Variants in AHCYL2 observed in about 807,000 individuals in gnomAD.
The protein encoded by AHCYL2 is adenosylhomocysteinase like 2.
AHCYL2 carries 28 observed loss-of-function variants against 81.4 expected under a neutral mutation model. That is an observed-to-expected ratio of 0.34 (90% CI 0.25 to 0.47). The LOEUF (loss-of-function observed/expected upper bound fraction) is 0.47. Among genes scored for constraint, AHCYL2 ranks in the 20% least tolerant of loss-of-function variants. AHCYL2 has a pLI of 1.00. For missense variants in AHCYL2, 551 were observed against 785.1 expected (o/e 0.70, Z 3.56); for synonymous variants, 272 against 290.2 (o/e 0.94, Z 0.64).
intron 1 of AHCYL2, among the ~76,000 whole-genome samples, chr7:129,329,771 T>C (rs941781660): frequency 6.6e-6 from 1 of 152,222 alleles, no homozygotes; most frequent in African/African-American, 2.4e-5. Context: ...ATAAGACGTA[T>C]AAGGTATAAA....
Position 129,368,495 on chromosome 7 carries a change from A to C in AHCYL2, c.364-11143A>C. 6.2e-7 allele frequency: 1 copy of C among 1,614,028 alleles called. No individual in the cohort carries two copies. The highest frequency in any genetic ancestry group is 8.5e-7 in the Non-Finnish European group (1 of 1,179,888). On this transcript the variant is annotated intron_variant, in intron 1 of 16. Coordinates refer to ENST00000325006, the MANE Select transcript of AHCYL2 (RefSeq NM_015328.4). This position sits in a 1 kb window ranked among gnomAD's most constrained non-coding sequence, Gnocchi z 4.4. The stretch of plus-strand genomic sequence containing the variant: ...GACATATCTTACCCAAGCCTGCACT[A>C]TGGAGAAGTGGGACGGTAATGAGGG...
intron 1 of AHCYL2, among the ~76,000 whole-genome samples, chr7:129,325,523 G>T (rs1204889000): frequency 6.6e-6 from 1 of 151,956 alleles, no homozygotes. Flanking sequence ...ATACCTTTGT[G>T]CTTGGGGTTT....
At chr7:129,296,615 T>G (rs1489333145) in intron 1 of AHCYL2, among the ~76,000 whole-genome samples, 2 of 152,140 alleles carry the variant, frequency 1.3e-5, no homozygotes, top group Non-Finnish European at 2.9e-5. Context: ...GAGGCTGACG[T>G]AGGAGGATCC....
At chr7:129,302,044 C>A (rs756666379) in intron 1 of AHCYL2, among the ~76,000 whole-genome samples, 13 of 151,914 alleles carry the variant, frequency 8.6e-5, no homozygotes, top group Non-Finnish European at 1.6e-4. Context: ...AGGGGGTATT[C>A]TTTTCAATGT....
At position 129,364,068 on chromosome 7, in the gene AHCYL2, A is replaced by G. The variant is rs113927903; in HGVS notation, c.364-15570A>G. The stretch of plus-strand genomic sequence containing the variant: ...GCCTGAGCAACACAGTGAGACCGCT[A>G]TCTCTACAAAAAATTCAAAAATGTG... On this transcript the variant is annotated intron_variant, in intron 1 of 16. Coordinates refer to ENST00000325006, the MANE Select transcript of AHCYL2 (RefSeq NM_015328.4). Among the ~76,000 whole-genome samples the G allele has an allele frequency of 5.8e-3, 888 of 151,890 alleles. 12 individuals carry two copies. Among genetic ancestry groups the G allele is most frequent in the African/African-American group, 0.021 (856 of 41,442 alleles).
At chr7:129,260,349 A>G (rs1179457138) in intron 1 of AHCYL2, among the ~76,000 whole-genome samples, 2 of 152,206 alleles carry the variant, frequency 1.3e-5, no homozygotes, top group Non-Finnish European at 2.9e-5. Context: ...CTGGGTGCAT[A>G]GGGAATAAAT....
chr7:129,311,045 T>C (rs181463560), intron 1 of AHCYL2, among the ~76,000 whole-genome samples: 18 of 150,890 alleles, frequency 1.2e-4, no homozygotes, highest in African/African-American at 4.1e-4. Flanking sequence ...GAAACAGAGG[T>C]TGTAGTGAGC....
intron 1 of AHCYL2, among the ~76,000 whole-genome samples, chr7:129,314,846 C>G (rs953013132): frequency 1.3e-5 from 2 of 152,158 alleles, no homozygotes; most frequent in African/African-American, 4.8e-5. Flanking sequence ...GTTCTAGAAG[C>G]CACAATGGCA....
rs1794856014 is a variant in AHCYL2, at chr7:129,379,623, G to A, written c.364-15G>A. ...AGGTTCTTTTTCTTTATATAACTAG[G>A]TTTCTTTTTCTTAGCAGATCCAGTT... On this transcript the variant is annotated splice_polypyrimidine_tract_variant and intron_variant, in intron 1 of 16. Transcript: ENST00000325006. 6.2e-7 allele frequency: 1 copy of A among 1,605,522 alleles called. No homozygotes were observed. The highest frequency in any genetic ancestry group is 1.1e-5 in the South Asian group (1 of 89,850).
chr7:129,256,933 T>C (rs906166731), intron 1 of AHCYL2, among the ~76,000 whole-genome samples: 1 of 152,114 alleles, frequency 6.6e-6, no homozygotes, highest in African/African-American at 2.4e-5. Context: ...ATAAAATTTA[T>C]AAATAATAAA....
intron 1 of AHCYL2, among the ~76,000 whole-genome samples, chr7:129,268,494 C>T (rs763752222): frequency 1.3e-5 from 2 of 152,048 alleles, no homozygotes; most frequent in Non-Finnish European, 2.9e-5. Flanking sequence ...ACTACAGGCA[C>T]GGGCCACCAT....
chr7:129,229,278 G>C (rs1030905470), intron 1 of AHCYL2, among the ~76,000 whole-genome samples: 1 of 152,220 alleles, frequency 6.6e-6, no homozygotes, highest in Middle Eastern at 3.4e-3. Context: ...TGTTGGTCAG[G>C]CTGCTTTCAA....
intron 1 of AHCYL2, among the ~76,000 whole-genome samples, chr7:129,352,948 T>G (rs1432899910): frequency 6.8e-6 from 1 of 147,264 alleles, no homozygotes; most frequent in Non-Finnish European, 1.5e-5. Flanking sequence ...TTTTTTTTTT[T>G]TTTTTTTTTT....
chr7:129,368,407 G>C lies in AHCYL2; in HGVS notation c.364-11231G>C. ...GAACTTCTGAATCTCACTAGGGTTG[G>C]GTCTGCTTTGGGGCACTCAGATAAC... On this transcript the variant is annotated intron_variant, in intron 1 of 16. Transcript: ENST00000325006. The surrounding 1 kb of genome is among the most constrained non-coding windows in gnomAD (Gnocchi z 4.4). The C allele has an allele frequency of 6.2e-7, 1 of 1,605,268 alleles. No individual in the cohort carries two copies. Among genetic ancestry groups the C allele is most frequent in the Non-Finnish European group, 8.5e-7 (1 of 1,175,486 alleles).
intron 4 of AHCYL2, among the ~76,000 whole-genome samples, chr7:129,394,381 T>C (rs1289894962): frequency 6.7e-6 from 1 of 150,176 alleles, no homozygotes; most frequent in Admixed American, 6.7e-5. Flanking sequence ...GGTCTGATGA[T>C]AAACCTGTTG....
intron 2 of AHCYL2, 82 bp downstream of exon 2, chr7:129,379,831 AT>A: frequency 9.5e-7 from 1 of 1,047,574 alleles, no homozygotes; most frequent in Non-Finnish European, 1.4e-6. Flanking sequence ...TCCAAGGCTA[AT>A]TAAGCATGAC....
At position 129,359,631 on chromosome 7, in the gene AHCYL2, A is replaced by G. The variant is rs537997895; in HGVS notation, c.364-20007A>G. ...GATAAAACTGAGGGCCCTAAATGCA[A>G]ATTCCTTCCCACTCTTATTCTTGTT... On this transcript the variant is annotated intron_variant, in intron 1 of 16. Coordinates refer to ENST00000325006, the MANE Select transcript of AHCYL2 (RefSeq NM_015328.4). Among the ~76,000 whole-genome samples, 10 of 152,316 alleles carry G rather than the reference A, an allele frequency of 6.6e-5. No homozygotes were observed. In the East Asian group the frequency reaches 1.7e-3, roughly 26 times the overall value.
chr7:129,373,482 C>A (rs1048580201), intron 1 of AHCYL2, among the ~76,000 whole-genome samples: 65 of 151,964 alleles, frequency 4.3e-4, no homozygotes, highest in African/African-American at 1.6e-3. Flanking sequence ...CGCCTGTAGT[C>A]CCAGCTACTC....
At chr7:129,361,533 G>T (rs1261561151) in intron 1 of AHCYL2, among the ~76,000 whole-genome samples, 1 of 152,170 alleles carries the variant, frequency 6.6e-6, no homozygotes, top group African/African-American at 2.4e-5. Flanking sequence ...TTAAATGAAT[G>T]AATTCTTCAT....
Sources: gnomAD v4.1 joint callset for allele counts (sites outside exome capture counted in the v4.1 genomes callset) on GRCh38, gnomAD v4.1.1 for gene constraint, Gnocchi (gnomAD v3.1) non-coding constraint, MANE v1.5 for transcripts, NCBI Gene and HGNC (gene_info 2026-07-23, HGNC 2026-07-21) for gene names.